The following ACVR2A variants were observed in gnomAD, a reference collection of about 807,000 sequenced individuals.
The protein encoded by ACVR2A is activin receptor type-2A.
ACVR2A carries 7 observed loss-of-function variants against 61.4 expected under a neutral mutation model. The ratio of observed to expected loss-of-function variants is 0.11; its 90% CI spans 0.06 to 0.21. The LOEUF is 0.21. Ranked by LOEUF, ACVR2A falls within the 10% of genes least tolerant of loss-of-function variation. ACVR2A has a pLI of 1.00. For missense variants in ACVR2A, 322 were observed against 621.7 expected, an observed-to-expected ratio of 0.52 and a Z score of 5.13; for synonymous variants, 193 against 208.3, an observed-to-expected ratio of 0.93 and a Z score of 0.63.
intron 1 of ACVR2A, among the ~76,000 whole-genome samples, chr2:147,865,522 A>T (rs1409523852): frequency 6.6e-6 from 1 of 152,144 alleles, no homozygotes. Flanking sequence ...CTACCTCAGT[A>T]TTCATTCTGC....
At chr2:147,869,856 A>G (rs184176629) in intron 1 of ACVR2A, among the ~76,000 whole-genome samples, 1 of 151,822 alleles carries the variant, frequency 6.6e-6, no homozygotes, top group East Asian at 1.9e-4. Flanking sequence ...TGAGGGGGTG[A>G]GAAGTTGCGG....
In ACVR2A at chr2:147,928,366, A is replaced by G. The variant is rs1463294000; in HGVS notation, c.*1092A>G. 1.3e-5 allele frequency: 2 copies of G among 152,110 alleles called. No homozygotes were observed. The highest frequency in any genetic ancestry group is 2.9e-5 in the Non-Finnish European group (2 of 67,874). 9.4% of individuals were successfully genotyped at this position (152,110 alleles called of 1,614,324 possible). On this transcript the variant is annotated 3_prime_UTR_variant, in exon 11 of 11. Coordinates refer to ENST00000241416, the MANE Select transcript of ACVR2A (RefSeq NM_001616.5). ...CATTCTTTATCACTGTTTTAGGATC[A>G]CCTCAGGAAGTGTCGTTACCCAGAA...
intron 8 of ACVR2A, 142 bp downstream of exon 8, chr2:147,920,486 G>A: frequency 1.5e-6 from 1 of 657,554 alleles, no homozygotes; most frequent in Non-Finnish European, 2.5e-6. Context: ...TTCTGAGGAA[G>A]ACATTTTCAT....
chr2:147,891,580 C>CA (rs1373019738), intron 1 of ACVR2A, among the ~76,000 whole-genome samples: 3 of 150,224 alleles, frequency 2.0e-5, no homozygotes, highest in East Asian at 3.9e-4. Context: ...CAAAAAAATC[C>CA]AAAAAAAGAA....
intron 1 of ACVR2A, among the ~76,000 whole-genome samples, chr2:147,864,280 A>G (rs1360024120): frequency 6.6e-6 from 1 of 152,142 alleles, no homozygotes; most frequent in East Asian, 1.9e-4. Context: ...CCCAGGCTGG[A>G]GTGCAGTGGC....
At chr2:147,910,106 AT>A (rs370479468) in intron 4 of ACVR2A, among the ~76,000 whole-genome samples, 1 of 151,486 alleles carries the variant, frequency 6.6e-6, no homozygotes, top group African/African-American at 2.4e-5. Context: ...AAGTGAATGT[AT>A]TTTTTTGTTC....
intron 4 of ACVR2A, among the ~76,000 whole-genome samples, chr2:147,913,614 A>G (rs77184101): frequency 0.013 from 1,898 of 151,756 alleles, 42 homozygotes; most frequent in African/African-American, 0.043. Context: ...AATTTCTCGG[A>G]TAGAGGTGAT....
chr2:147,877,290 C>G (rs1686183170), intron 1 of ACVR2A: 1 of 151,968 alleles, frequency 6.6e-6, no homozygotes, highest in African/African-American at 2.4e-5. Flanking sequence ...TTCTGTGGAT[C>G]TTTGTTTTTT....
intron 1 of ACVR2A, among the ~76,000 whole-genome samples, chr2:147,865,888 G>T (rs544080373): frequency 1.3e-5 from 2 of 152,290 alleles, no homozygotes; most frequent in East Asian, 3.9e-4. Context: ...TTGGAGTGGG[G>T]TCAGGTAATT....
At chr2:147,849,133 C>T (rs1384295450) in intron 1 of ACVR2A, among the ~76,000 whole-genome samples, 1 of 152,090 alleles carries the variant, frequency 6.6e-6, no homozygotes, top group Non-Finnish European at 1.5e-5. Flanking sequence ...TGGATAAACT[C>T]TCCTATCACC....
At chr2:147,923,981 G>T (rs188446730) in intron 9 of ACVR2A, among the ~76,000 whole-genome samples, 1 of 152,150 alleles carries the variant, frequency 6.6e-6, no homozygotes, top group Admixed American at 6.6e-5. Context: ...ACTGGAATAT[G>T]AAATTCAATA....
chr2:147,856,792 A>AATAGCCACTGACC (rs1243424365), intron 1 of ACVR2A, among the ~76,000 whole-genome samples: 2 of 152,304 alleles, frequency 1.3e-5, no homozygotes, highest in African/African-American at 4.8e-5. Context: ...AAAATGGTTG[A>AATAGCCACTGACC]ATAGCCACTG....
chr2:147,928,322 C>T lies in ACVR2A; in HGVS notation c.*1048C>T, dbSNP rs1265093429. On this transcript the variant is annotated 3_prime_UTR_variant, in exon 11 of 11. Transcript: ENST00000241416. ...TGTAAAATTGTAGTGTATTTCTTTT[C>T]ACCAAACAGTGTGTGGGACATTCTT... The T allele has an allele frequency of 6.6e-6, 1 of 152,170 alleles. No individual in the cohort carries two copies. Among genetic ancestry groups the T allele is most frequent in the African/African-American group, 2.4e-5 (1 of 41,380 alleles). The allele number at this position is 152,170 out of a possible 1,614,324, so 9.4% of individuals were successfully genotyped here.
chr2:147,917,551 T>A, intron 6 of ACVR2A, 125 bp downstream of exon 6: 1 of 1,069,790 alleles, frequency 9.3e-7, no homozygotes, highest in Admixed American at 3.3e-5. Flanking sequence ...AACCTGAAAA[T>A]AAAAATCATT....
In ACVR2A at chr2:147,871,924, G is replaced by A. The variant is rs568229983; in HGVS notation, c.56-24377G>A. Among the ~76,000 whole-genome samples, 29 of 152,056 alleles carry A rather than the reference G, an allele frequency of 1.9e-4. 1 individual carries two copies. In the South Asian group the frequency reaches 6.0e-3, roughly 32 times the overall value. On this transcript the variant is annotated intron_variant, in intron 1 of 10. Transcript: ENST00000241416. Reference sequence around the variant, plus strand: ...TATGACTTGATTTCATTTGTTCATTGATCTTTGGCATGAGTAGGAGAAAAA... The same window carrying A: ...TATGACTTGATTTCATTTGTTCATTAATCTTTGGCATGAGTAGGAGAAAAA...
chr2:147,911,432 T>G (rs1687108558), intron 4 of ACVR2A, among the ~76,000 whole-genome samples: 1 of 152,130 alleles, frequency 6.6e-6, no homozygotes. Flanking sequence ...TTTAAAATAC[T>G]AAACCATTAT....
intron 1 of ACVR2A, among the ~76,000 whole-genome samples, chr2:147,846,105 G>A (rs571132908): frequency 1.3e-5 from 2 of 152,206 alleles, no homozygotes; most frequent in South Asian, 4.2e-4. Context: ...AAACTATCTA[G>A]TCTTTTGTAT....
chr2:147,845,359 C>CCCT, intron 1 of ACVR2A, 152 bp downstream of exon 1: 2 of 527,946 alleles, frequency 3.8e-6, no homozygotes, highest in Middle Eastern at 5.1e-4. Context: ...CCCCCCCCCC[C>CCCT]CGCCCCCAGG....
At chr2:147,867,071 A>T (rs1320831525) in intron 1 of ACVR2A, among the ~76,000 whole-genome samples, 2 of 152,164 alleles carry the variant, frequency 1.3e-5, no homozygotes, top group Non-Finnish European at 2.9e-5. Context: ...AGACAGTATT[A>T]AAAAAATGTC....
Sources: gnomAD v4.1 joint callset for allele counts (sites outside exome capture counted in the v4.1 genomes callset) on GRCh38, gnomAD v4.1.1 for gene constraint, MANE v1.5 for transcripts, NCBI Gene and HGNC (gene_info 2026-07-23, HGNC 2026-07-21) for gene names.